WASHC4: variants seen among roughly 807,000 people sequenced by gnomAD.
The protein encoded by WASHC4 is WASH complex subunit 4.
A neutral mutation model predicts 166.6 loss-of-function variants in WASHC4; 86 were observed. That is an observed-to-expected ratio of 0.52 (90% CI 0.43 to 0.62). The LOEUF is 0.62. Ranked by LOEUF, WASHC4 falls within the 20% of genes least tolerant of loss-of-function variation. The pLI is 0.00. For missense variants in WASHC4, 1,262 were observed against 1,382.4 expected (o/e 0.91, Z 1.38); for synonymous variants, 446 against 451.6 (o/e 0.99, Z 0.16).
At chr12:105,126,415 T>C (rs1881286104) in intron 12 of WASHC4, 53 bp downstream of exon 12, 1 of 1,321,242 alleles carries the variant, frequency 7.6e-7, no homozygotes, top group Non-Finnish European at 1.1e-6. Context: ...AGATTGCAGA[T>C]AAAACTAAAT....
At chr12:105,111,293 T>C in intron 2 of WASHC4, 29 bp downstream of exon 2, 18 of 1,415,512 alleles carry the variant, frequency 1.3e-5, no homozygotes, top group Non-Finnish European at 1.7e-5. Context: ...AAAATATATG[T>C]ATATATTTTC....
At chr12:105,120,454 T>C in intron 7 of WASHC4, 101 bp from the exon 8 acceptor site, 1 of 725,108 alleles carries the variant, frequency 1.4e-6, no homozygotes, top group Non-Finnish European at 2.5e-6. Context: ...TAAAGATAAA[T>C]ATTAAAATTC....
Position 105,146,396 on chromosome 12 carries a change from T to C in WASHC4, c.2335-56T>C, listed in dbSNP as rs563648013. ...CAATAAGTCATTATGCTGATACAAG[T>C]TTAACTGATTATTTTAATGAATTAT... is the stretch of plus-strand genomic sequence containing the variant. On this transcript the variant is annotated intron_variant, in intron 22 of 32. Transcript: ENST00000332180. The C allele has an allele frequency of 2.8e-6, 3 of 1,053,988 alleles. No individual in the cohort carries two copies. The South Asian group carries it at 3.9e-5, about 14-fold the overall frequency. The allele number at this position is 1,053,988 out of a possible 1,614,324, so 65.3% of individuals were successfully genotyped here. A position where few individuals can be genotyped will look rare whatever the true frequency, so the allele number is the denominator to read the frequency against.
At chr12:105,126,605 A>T (rs544320783) in intron 12 of WASHC4, among the ~76,000 whole-genome samples, 1 of 151,992 alleles carries the variant, frequency 6.6e-6, no homozygotes, top group South Asian at 2.1e-4. Flanking sequence ...TCTTAGTGCT[A>T]CTAATACTAC....
rs747366678 is a variant in WASHC4 at position 105,144,791 on chromosome 12, T to C, written c.2253T>C (p.Tyr751=). ...TTVALHDWAT[Y]SEMRNLATQR... ...TAGCCCTTCATGACTGGGCCACTTA[T>C]AGTGAGATGAGAAACTTAGCTACTC... Residue 751 remains tyrosine (Y), a synonymous_variant, in exon 22 of 33, where the codon TAT becomes TAC. Transcript: ENST00000332180. The C allele has an allele frequency of 1.7e-5, 27 of 1,613,064 alleles. No homozygotes were observed. The highest frequency in any genetic ancestry group is 1.6e-4 in the South Asian group (15 of 91,048).
chr12:105,130,498 T>C (rs1481774051), intron 13 of WASHC4, among the ~76,000 whole-genome samples: 1 of 152,208 alleles, frequency 6.6e-6, no homozygotes, highest in Non-Finnish European at 1.5e-5. Context: ...AAGGGCACAG[T>C]TATTTTTTTC....
chr12:105,128,717 G>C (rs1484205819), intron 13 of WASHC4, among the ~76,000 whole-genome samples: 1 of 151,960 alleles, frequency 6.6e-6, no homozygotes, highest in African/African-American at 2.4e-5. Context: ...TTGGATGAGG[G>C]GTACTCATCA....
chr12:105,116,224 G>A, intron 6 of WASHC4, among the ~76,000 whole-genome samples: 1 of 152,054 alleles, frequency 6.6e-6, no homozygotes, highest in Non-Finnish European at 1.5e-5. Flanking sequence ...CCTCCTCTGT[G>A]ATAAAAATAG....
At chr12:105,149,080 G>A (rs1883532681) in intron 24 of WASHC4, 2 of 984,678 alleles carry the variant, frequency 2.0e-6, no homozygotes, top group Non-Finnish European at 2.4e-6. Flanking sequence ...TAAACTTCGT[G>A]AAGACAAGGA....
Position 105,164,109 on chromosome 12 carries a change from A to G in WASHC4, c.3158-2A>G, listed in dbSNP as rs765835367. 6.2e-7 allele frequency: 1 copy of G among 1,614,038 alleles called. No individual in the cohort carries two copies. On this transcript the variant is annotated splice_acceptor_variant, in intron 30 of 32. Coordinates refer to ENST00000332180, the MANE Select transcript of WASHC4 (RefSeq NM_015275.3). LOFTEE classifies it high-confidence loss of function. The stretch of plus-strand genomic sequence containing the variant: ...TAACCTTAGTTTTGCTTATGCCTGC[A>G]GGTGTGGCTTACATTCTAAAGCTTT...
chr12:105,148,617 C>G (rs867279506), intron 24 of WASHC4: 12 of 984,738 alleles, frequency 1.2e-5, no homozygotes, highest in Non-Finnish European at 1.4e-5. Flanking sequence ...TTTAAAAATG[C>G]AAAGAAACAG....
chr12:105,156,037 T>C (rs1235900295), intron 26 of WASHC4, among the ~76,000 whole-genome samples: 1 of 151,928 alleles, frequency 6.6e-6, no homozygotes, highest in African/African-American at 2.4e-5. Flanking sequence ...TATGAAGGGG[T>C]GAATGAAAAG....
At chr12:105,117,871 A>G (rs1043649132) in intron 6 of WASHC4, among the ~76,000 whole-genome samples, 1 of 152,208 alleles carries the variant, frequency 6.6e-6, no homozygotes, top group Non-Finnish European at 1.5e-5. Flanking sequence ...GTTAGATATG[A>G]GCTAATTATT....
At chr12:105,116,988 G>A (rs1880244958) in intron 6 of WASHC4, among the ~76,000 whole-genome samples, 1 of 152,158 alleles carries the variant, frequency 6.6e-6, no homozygotes, top group Non-Finnish European at 1.5e-5. Context: ...TCTAAAAAAT[G>A]TAGTTGGTAA....
intron 6 of WASHC4, among the ~76,000 whole-genome samples, chr12:105,117,597 A>G (rs914604939): frequency 6.6e-6 from 1 of 152,180 alleles, no homozygotes; most frequent in African/African-American, 2.4e-5. Flanking sequence ...ACTTTACATC[A>G]TATTTAGATC....
intron 13 of WASHC4, among the ~76,000 whole-genome samples, chr12:105,130,906 AGTGC>A (rs1881741245): frequency 6.6e-6 from 1 of 152,150 alleles, no homozygotes; most frequent in Non-Finnish European, 1.5e-5. Context: ...GACACTGTTT[AGTGC>A]TTTATGTTGG....
intron 13 of WASHC4, among the ~76,000 whole-genome samples, chr12:105,130,927 A>C (rs373062600): frequency 6.6e-6 from 1 of 152,104 alleles, no homozygotes; most frequent in African/African-American, 2.4e-5. Flanking sequence ...TTGGGGCAGG[A>C]GATTTGTTTT....
chr12:105,144,974 T>C, intron 22 of WASHC4, 102 bp downstream of exon 22: 3 of 1,155,638 alleles, frequency 2.6e-6, no homozygotes, highest in Non-Finnish European at 3.8e-6. Context: ...TATGTGCTTA[T>C]TTTTTAAGAA....
chr12:105,127,862 T>C (rs1428484294), intron 13 of WASHC4, among the ~76,000 whole-genome samples: 1 of 152,198 alleles, frequency 6.6e-6, no homozygotes, highest in African/African-American at 2.4e-5. Flanking sequence ...TATACGTCCT[T>C]ATTTTTTATC....
Sources: allele counts gnomAD v4.1 joint callset (sites outside exome capture counted in the v4.1 genomes callset), GRCh38; gene constraint gnomAD v4.1.1; transcripts MANE v1.5; gene names NCBI Gene and HGNC (gene_info 2026-07-23, HGNC 2026-07-21).